FOXP1: variants seen among roughly 807,000 people sequenced by gnomAD.
FOXP1 encodes the protein forkhead box P1.
In FOXP1, 15 loss-of-function variants were observed where a neutral mutation model predicts 98.2. The ratio of observed to expected loss-of-function variants is 0.15; its 90% confidence interval spans 0.10 to 0.24. FOXP1 has a LOEUF of 0.24. Ranked by LOEUF, FOXP1 falls within the 10% of genes least tolerant of loss-of-function variation. The pLI, the probability that FOXP1 is intolerant of heterozygous loss-of-function variation, is 1.00. For missense variants in FOXP1, 633 were observed against 848.5 expected (o/e 0.75, Z 3.15); for synonymous variants, 371 against 314.5 (o/e 1.18, Z -1.90).
intron 2 of FOXP1, among the ~76,000 whole-genome samples, chr3:71,525,756 T>C (rs1379443346): frequency 6.6e-6 from 1 of 152,204 alleles, no homozygotes; most frequent in African/African-American, 2.4e-5. Context: ...AAGTTTCTTT[T>C]TGGTGTAAGA....
intron 7 of FOXP1, among the ~76,000 whole-genome samples, chr3:71,055,666 GA>G (rs2050522407): frequency 6.6e-6 from 1 of 152,132 alleles, no homozygotes; most frequent in Non-Finnish European, 1.5e-5. Flanking sequence ...TCATACAGAA[GA>G]AACTTTTCGG....
chr3:71,404,991 A>G (rs1240927636), intron 3 of FOXP1, among the ~76,000 whole-genome samples: 2 of 152,122 alleles, frequency 1.3e-5, no homozygotes, highest in Non-Finnish European at 2.9e-5. Context: ...ACAAAATGCC[A>G]CCCCCAGCCC....
At chr3:71,119,389 C>T (rs1285145579) in intron 6 of FOXP1, among the ~76,000 whole-genome samples, 1 of 152,130 alleles carries the variant, frequency 6.6e-6, no homozygotes, top group Non-Finnish European at 1.5e-5. Flanking sequence ...GTCAGCCATC[C>T]TTCTTCTAAT....
At chr3:71,202,035 T>C (rs1024676484) in intron 5 of FOXP1, among the ~76,000 whole-genome samples, 1 of 152,222 alleles carries the variant, frequency 6.6e-6, no homozygotes, top group African/African-American at 2.4e-5. Context: ...AAGAGATTGG[T>C]CCTGCTTTTG....
intron 6 of FOXP1, among the ~76,000 whole-genome samples, chr3:71,197,662 T>TGA (rs2063375664): frequency 2.0e-5 from 3 of 152,210 alleles, no homozygotes; most frequent in African/African-American, 7.2e-5. Flanking sequence ...CCCCAAATCC[T>TGA]ACTCGTAGAG....
intron 7 of FOXP1, chr3:71,064,826 G>A: frequency 1.0e-6 from 1 of 984,172 alleles, no homozygotes; most frequent in Non-Finnish European, 1.2e-6. Flanking sequence ...GGACCAACCT[G>A]ACACTCTCCA....
At chr3:71,302,495 T>C (rs1477523192) in intron 4 of FOXP1, among the ~76,000 whole-genome samples, 1 of 145,108 alleles carries the variant, frequency 6.9e-6, no homozygotes, top group Non-Finnish European at 1.5e-5. Context: ...AATTAAATGA[T>C]TATGCAAAGC....
intron 6 of FOXP1, among the ~76,000 whole-genome samples, chr3:71,140,592 T>C (rs1260371705): frequency 6.6e-6 from 1 of 152,236 alleles, no homozygotes; most frequent in East Asian, 1.9e-4. Context: ...CAGGCATTTG[T>C]ATTCGCTATC....
chr3:71,527,612 G>A (rs2043495750), intron 2 of FOXP1, among the ~76,000 whole-genome samples: 1 of 152,194 alleles, frequency 6.6e-6, no homozygotes, highest in Non-Finnish European at 1.5e-5. Context: ...ATGACTAAAA[G>A]GAGAGGTGCA....
intron 3 of FOXP1, among the ~76,000 whole-genome samples, chr3:71,377,123 T>A (rs1224824758): frequency 6.6e-6 from 1 of 152,154 alleles, no homozygotes; most frequent in African/African-American, 2.4e-5. Context: ...TTAAGAGAGT[T>A]CAGCGGGCCA....
intron 5 of FOXP1, among the ~76,000 whole-genome samples, chr3:71,233,643 T>C (rs192618464): frequency 2.7e-5 from 4 of 146,550 alleles, no homozygotes; most frequent in Non-Finnish European, 4.5e-5. Flanking sequence ...GGTTTCACCA[T>C]ATTGGCCAGG....
intron 3 of FOXP1, among the ~76,000 whole-genome samples, chr3:71,370,577 G>A (rs1022951085): frequency 3.3e-5 from 5 of 152,074 alleles, no homozygotes; most frequent in African/African-American, 7.2e-5. Flanking sequence ...GGTTCCGATC[G>A]GCACCGGGGC....
In FOXP1 at chr3:71,583,453, TTTTC is replaced by T. The variant is rs1206549077; in HGVS notation, c.-447+114_-447+117del. 8.4e-4 allele frequency: 828 copies of T among 980,038 alleles called. 2 individuals carry two copies. Among genetic ancestry groups the T allele is most frequent in the Middle Eastern group, 5.8e-3 (11 of 1,900 alleles). 60.7% of individuals were successfully genotyped at this position (980,038 alleles called of 1,614,324 possible). A position where few individuals can be genotyped will look rare whatever the true frequency, so the allele number is the denominator to read the frequency against. On this transcript the variant is annotated intron_variant, in intron 1 of 20. Coordinates refer to ENST00000649528, the MANE Select transcript of FOXP1 (RefSeq NM_001349338.3). The stretch of plus-strand genomic sequence containing the variant: ...TTTTTTTTTTCCATTTTTTTTCTCT[TTTTC>T]TTTCTTTCTTTTTTTTTTTTTGTGC...
intron 7 of FOXP1, among the ~76,000 whole-genome samples, chr3:71,088,702 A>C (rs1363662363): frequency 5.3e-5 from 8 of 152,206 alleles, no homozygotes; most frequent in Non-Finnish European, 1.0e-4. Flanking sequence ...GTTAGATATA[A>C]ATATTAAACT....
At chr3:71,411,592 G>A (rs1387778735) in intron 3 of FOXP1, among the ~76,000 whole-genome samples, 1 of 152,162 alleles carries the variant, frequency 6.6e-6, no homozygotes, top group Non-Finnish European at 1.5e-5. Context: ...AAAGTGCTAG[G>A]ATTACAGGCA....
chr3:71,169,835 C>T (rs1473682169), intron 6 of FOXP1, among the ~76,000 whole-genome samples: 1 of 150,590 alleles, frequency 6.6e-6, no homozygotes, highest in Non-Finnish European at 1.5e-5. Flanking sequence ...AAATAACAAG[C>T]TATTTAAAGA....
intron 3 of FOXP1, among the ~76,000 whole-genome samples, chr3:71,429,254 G>A (rs941471259): frequency 3.3e-4 from 50 of 152,150 alleles, no homozygotes; most frequent in African/African-American, 9.9e-4. Context: ...ACTATGGGAG[G>A]GTCTGGGTTC....
At chr3:71,573,985 G>C (rs2047538773) in intron 2 of FOXP1, 1 of 152,198 alleles carries the variant, frequency 6.6e-6, no homozygotes, top group Admixed American at 6.5e-5. Flanking sequence ...AGTGACAGTG[G>C]TAACTATGTG....
intron 5 of FOXP1, among the ~76,000 whole-genome samples, chr3:71,219,304 C>T (rs1267773551): frequency 1.3e-5 from 2 of 152,174 alleles, no homozygotes; most frequent in African/African-American, 4.8e-5. Context: ...TCTATAAGGC[C>T]TATATCCTCC....
Sources: allele counts gnomAD v4.1 joint callset (sites outside exome capture counted in the v4.1 genomes callset), GRCh38; gene constraint gnomAD v4.1.1; transcripts MANE v1.5; gene names NCBI Gene and HGNC (gene_info 2026-07-23, HGNC 2026-07-21).